TECTA: variants seen among roughly 807,000 people sequenced by gnomAD.
The protein encoded by TECTA is tectorin alpha.
TECTA carries 128 observed loss-of-function variants against 216.8 expected under a neutral mutation model. The ratio of observed to expected loss-of-function variants is 0.59; its 90% confidence interval spans 0.51 to 0.68. The LOEUF is 0.68. TECTA is among the 30% of genes least tolerant of loss of function. The pLI, the probability that TECTA is intolerant of heterozygous loss-of-function variation, is 0.00. For missense variants in TECTA, 2,551 were observed against 2,786.2 expected (o/e 0.92, Z 1.90); for synonymous variants, 1,089 against 1,117.1 (o/e 0.97, Z 0.50).
intron 13 of TECTA, among the ~76,000 whole-genome samples, chr11:121,153,671 G>C (rs748514022): frequency 1.3e-5 from 2 of 152,120 alleles, no homozygotes; most frequent in Non-Finnish European, 2.9e-5. Flanking sequence ...CACCCTCTGC[G>C]GCGCCCTCTA....
Position 121,168,892 on chromosome 11 carries a change from A to G in TECTA, c.5966A>G (p.Asn1989Ser). Residue 1989 changes from asparagine to serine, a missense_variant, in exon 20 of 24, where the codon AAT becomes AGT. Transcript: ENST00000392793. ...TATGCCACACCCACCCGAGATAGCAATGATAAGCTCCGATATTTCATCATT... is the reference window on the plus strand; with the variant it reads ...TATGCCACACCCACCCGAGATAGCAGTGATAAGCTCCGATATTTCATCATT... ...KCYATPTRDS[N>S]DKLRYFIIEG... 4.3e-6 allele frequency: 7 copies of G among 1,614,190 alleles called. No homozygotes were observed. Among genetic ancestry groups the G allele is most frequent in the African/African-American group, 1.3e-5 (1 of 75,050 alleles).
chr11:121,101,349 A>G lies in TECTA; in HGVS notation c.-95A>G, dbSNP rs773394915. On this transcript the variant is annotated 5_prime_UTR_variant, in exon 1 of 24. Coordinates refer to ENST00000392793, the MANE Select transcript of TECTA (RefSeq NM_005422.4). Reference sequence around the variant, plus strand: ...AATTATTGGCAACAAGTTGAGGAGAACTGACATGAATTCTTGTTTTACCTA... The same window carrying G: ...AATTATTGGCAACAAGTTGAGGAGAGCTGACATGAATTCTTGTTTTACCTA... 1 of 152,188 alleles carries G rather than the reference A, an allele frequency of 6.6e-6. No homozygotes were observed. The highest frequency in any genetic ancestry group is 1.5e-5 in the Non-Finnish European group (1 of 68,036). 9.4% of individuals were successfully genotyped at this position (152,188 alleles called of 1,614,324 possible). A position where few individuals can be genotyped will look rare whatever the true frequency, so the allele number is the denominator to read the frequency against.
chr11:121,138,829 C>T (rs1946756583), intron 11 of TECTA, among the ~76,000 whole-genome samples: 1 of 152,216 alleles, frequency 6.6e-6, no homozygotes, highest in South Asian at 2.1e-4. Flanking sequence ...GCAGCCTCTG[C>T]TTTAGCATTT....
At chr11:121,166,916 T>A in intron 18 of TECTA, 136 bp downstream of exon 18, 1 of 963,220 alleles carries the variant, frequency 1.0e-6, no homozygotes, top group Non-Finnish European at 1.6e-6. Context: ...AATAGGCATG[T>A]GCAACATGAA....
chr11:121,174,084 T>C (rs1341696939), intron 20 of TECTA, among the ~76,000 whole-genome samples: 1 of 152,180 alleles, frequency 6.6e-6, no homozygotes, highest in African/African-American at 2.4e-5. Flanking sequence ...CTTAAGGAGA[T>C]TTTGGGCTGA....
In TECTA at chr11:121,162,055, G is replaced by A; in HGVS notation, c.4977-20G>A. 1 of 1,613,328 alleles carries A rather than the reference G, an allele frequency of 6.2e-7. No homozygotes were observed. Among genetic ancestry groups the A allele is most frequent in the South Asian group, 1.1e-5 (1 of 91,012 alleles). ...TTGGAGATCTCAGATGGCTGTTTTTGCTTCACTCAGTCTGACCAGACCTCT... is the reference window on the plus strand; with the variant it reads ...TTGGAGATCTCAGATGGCTGTTTTTACTTCACTCAGTCTGACCAGACCTCT... On this transcript the variant is annotated intron_variant, in intron 15 of 23. Transcript: ENST00000392793.
rs1565542300 is a variant in TECTA, at chr11:121,189,185, AAC to A, written c.6250+23_6250+24del. 1 of 1,609,770 alleles carries A rather than the reference AAC, an allele frequency of 6.2e-7. No homozygotes were observed. The highest frequency in any genetic ancestry group is 1.1e-5 in the South Asian group (1 of 90,952). ...GAGAAAAAGTATGTATGTTCCCTAAAACACACCCTAAATTATTAAAACAACGG... is the reference window on the plus strand; with the variant it reads ...GAGAAAAAGTATGTATGTTCCCTAAAACACCCTAAATTATTAAAACAACGG... On this transcript the variant is annotated intron_variant, in intron 22 of 23. Transcript: ENST00000392793.
chr11:121,150,544 C>CA (rs940463178), intron 12 of TECTA, among the ~76,000 whole-genome samples: 2 of 149,426 alleles, frequency 1.3e-5, no homozygotes, highest in Admixed American at 1.3e-4. Flanking sequence ...ATAACAACTT[C>CA]AAAAAAAGTT....
chr11:121,113,101 C>T lies in TECTA; in HGVS notation c.516C>T (p.Ser172=), dbSNP rs758801148. ...PVNTFQAVLV[S]DGSYTFTLFN... is the part of the protein sequence containing the mutation. ...ACACCTTCCAGGCCGTCCTAGTGTC[C>T]GATGGCTCCTATACATTCACCCTCT... The change falls in exon 5 of 24, where the codon TCC becomes TCT. Residue 172 remains serine, a synonymous_variant. Transcript: ENST00000392793. This position sits in a 1 kb window ranked among gnomAD's most constrained non-coding sequence, Gnocchi z 4.2. 1.2e-5 allele frequency: 20 copies of T among 1,613,986 alleles called. No homozygotes were observed. Among genetic ancestry groups the T allele is most frequent in the Admixed American group, 5.0e-5 (3 of 59,998 alleles).
intron 10 of TECTA, among the ~76,000 whole-genome samples, chr11:121,131,722 C>G (rs561083198): frequency 1.3e-5 from 2 of 152,282 alleles, no homozygotes; most frequent in South Asian, 4.2e-4. Flanking sequence ...TGGAGTAGGT[C>G]CTCAGTCTTT....
chr11:121,118,741 C>G, intron 7 of TECTA, 23 bp downstream of exon 7: 1 of 1,612,584 alleles, frequency 6.2e-7, no homozygotes, highest in East Asian at 2.2e-5. Context: ...CTATCCTTCA[C>G]GGGGAAATGG....
At chr11:121,106,235 A>G (rs1169981665) in intron 3 of TECTA, among the ~76,000 whole-genome samples, 1 of 152,200 alleles carries the variant, frequency 6.6e-6, no homozygotes, top group African/African-American at 2.4e-5. Flanking sequence ...CAGAAGCCCC[A>G]ATGCCATGAA....
At chr11:121,121,580 T>TG (rs1946558843) in intron 7 of TECTA, among the ~76,000 whole-genome samples, 1 of 151,716 alleles carries the variant, frequency 6.6e-6, no homozygotes, top group South Asian at 2.1e-4. Flanking sequence ...TGATCACTTA[T>TG]GCCAGAAAAA....
chr11:121,145,413 A>C, intron 11 of TECTA, 142 bp from the exon 12 acceptor site: 1 of 819,834 alleles, frequency 1.2e-6, no homozygotes, highest in Non-Finnish European at 2.1e-6. Context: ...TGACTGACAT[A>C]AACAACAGTA....
At chr11:121,130,804 A>T (rs1021501055) in intron 10 of TECTA, among the ~76,000 whole-genome samples, 3 of 152,192 alleles carry the variant, frequency 2.0e-5, no homozygotes, top group Non-Finnish European at 4.4e-5. Context: ...AGGGAGAAGT[A>T]ACATGGCAGA....
chr11:121,163,013 AAATGTGCCATAG>A (rs1433619723), intron 16 of TECTA, among the ~76,000 whole-genome samples: 1 of 152,238 alleles, frequency 6.6e-6, no homozygotes, highest in Non-Finnish European at 1.5e-5. Context: ...AAACACATAT[AAATGTGCCATAG>A]ACATACATGT....
rs750051116 is a variant in TECTA at position 121,162,301 on chromosome 11, G to A, written c.5203G>A (p.Ala1735Thr). The A allele has an allele frequency of 1.2e-6, 2 of 1,613,364 alleles. No individual in the cohort carries two copies. The highest frequency in any genetic ancestry group is 2.2e-5 in the East Asian group (1 of 44,886). ...HKKFQLCGSL[A>T]AYGEACRSFG... Reference sequence around the variant, plus strand: ...GAAGTTCCAGCTGTGCGGCTCCCTGGCCGCCTACGGGGAGGCCTGCCGCTC... The same window carrying A: ...GAAGTTCCAGCTGTGCGGCTCCCTGACCGCCTACGGGGAGGCCTGCCGCTC... The change falls in exon 16 of 24, where the codon GCC becomes ACC. Residue 1735 changes from alanine (A) to threonine (T), a missense_variant. Coordinates refer to ENST00000392793, the MANE Select transcript of TECTA (RefSeq NM_005422.4).
chr11:121,131,990 T>C (rs1351785679), intron 10 of TECTA, among the ~76,000 whole-genome samples: 4 of 152,240 alleles, frequency 2.6e-5, no homozygotes, highest in African/African-American at 7.2e-5. Context: ...CCATTGAAAG[T>C]TACTGTTTTT....
rs553311995 is a variant in TECTA at position 121,156,339 on chromosome 11, G to GTTA, written c.4306-1484_4306-1482dup. Among the ~76,000 whole-genome samples, 1,062 of 151,162 alleles carry GTTA rather than the reference G, an allele frequency of 7.0e-3. 9 individuals are homozygous for GTTA. The highest frequency in any genetic ancestry group is 0.045 in the Middle Eastern group (13 of 292). ...ACAGGCATGCACTACCATGCTGGTT[G>GTTA]TTATTATTATTATTATTATTTTGAG... On this transcript the variant is annotated intron_variant, in intron 13 of 23. Transcript: ENST00000392793.
Sources: allele counts gnomAD v4.1 joint callset (sites outside exome capture counted in the v4.1 genomes callset), GRCh38; gene constraint gnomAD v4.1.1; non-coding constraint Gnocchi (gnomAD v3.1); transcripts MANE v1.5; gene names NCBI Gene and HGNC (gene_info 2026-07-23, HGNC 2026-07-21).